BAZ1A: variants seen among roughly 807,000 people sequenced by gnomAD.
BAZ1A encodes the protein bromodomain adjacent to zinc finger domain protein 1A.
In BAZ1A, 50 loss-of-function variants were observed where a neutral mutation model predicts 185.2. The observed-to-expected ratio is 0.27, with a 90% CI of 0.22 to 0.34. The LOEUF is 0.34. Among genes scored for constraint, BAZ1A ranks in the 10% least tolerant of loss-of-function variants. The pLI is 1.00. For missense variants in BAZ1A, 1,356 were observed against 1,839.9 expected, an observed-to-expected ratio of 0.74 and a Z score of 4.81; for synonymous variants, 571 against 615.6, an observed-to-expected ratio of 0.93 and a Z score of 1.07.
At chr14:34,848,260 C>T (rs1339173517) in intron 3 of BAZ1A, among the ~76,000 whole-genome samples, 2 of 152,234 alleles carry the variant, frequency 1.3e-5, no homozygotes, top group Middle Eastern at 3.4e-3. Context: ...GTTAAGAGCC[C>T]TAATTGGTTT....
intron 26 of BAZ1A, among the ~76,000 whole-genome samples, chr14:34,754,254 C>CAA (rs59411665): frequency 0.023 from 2,265 of 97,264 alleles, 34 homozygotes; most frequent in Non-Finnish European, 0.032. Flanking sequence ...TCCATCATCT[C>CAA]AAAAAAAAAA....
intron 3 of BAZ1A, among the ~76,000 whole-genome samples, chr14:34,861,379 C>T (rs1229585740): frequency 2.0e-5 from 3 of 152,086 alleles, no homozygotes; most frequent in African/African-American, 7.2e-5. Flanking sequence ...TTCTGAAGAG[C>T]TCGGTGAAAG....
At position 34,774,495 on chromosome 14, in the gene BAZ1A, AAT is replaced by A. The variant is rs757783110; in HGVS notation, c.2834-7_2834-6del. The A allele has an allele frequency of 1.3e-6, 2 of 1,548,796 alleles. No homozygotes were observed. The highest frequency in any genetic ancestry group is 2.1e-5 in the Admixed American group (1 of 48,066). On this transcript the variant is annotated splice_polypyrimidine_tract_variant and splice_region_variant and intron_variant, in intron 18 of 26. Transcript: ENST00000360310. ...TGCTATCAGGCTGAGGTTTGTCTGA[AAT>A]AGTAATCAAATACTTTTATTATGAT...
At position 34,762,256 on chromosome 14, in the gene BAZ1A, A is replaced by G. The variant is rs1435298696; in HGVS notation, c.3777-33T>C. 3 of 1,586,258 alleles carry G rather than the reference A, an allele frequency of 1.9e-6. No individual in the cohort carries two copies. In the South Asian group the frequency reaches 3.3e-5, roughly 18 times the overall value. ...TATTGTTAGAAAACACAATTATTGT[A>G]CAGAGCAATGATGAACATATGATTA... On this transcript the variant is annotated intron_variant, in intron 23 of 26. Coordinates refer to ENST00000360310, the MANE Select transcript of BAZ1A (RefSeq NM_013448.3).
chr14:34,866,685 C>A (rs899628053), intron 2 of BAZ1A, among the ~76,000 whole-genome samples: 1 of 151,824 alleles, frequency 6.6e-6, no homozygotes, highest in African/African-American at 2.4e-5. Flanking sequence ...ATCGGGGTAA[C>A]TGGGATATCC....
chr14:34,774,335 C>T lies in BAZ1A; in HGVS notation c.2989G>A (p.Ala997Thr), dbSNP rs1475134776. The change falls in exon 19 of 27, where the codon GCC becomes ACC. Residue 997 changes from alanine (A) to threonine (T), a missense_variant. Ala to Thr is a moderately conservative substitution (Grantham distance 58). Transcript: ENST00000360310. Reference protein sequence around the residue: ...EDRIYQGTLGAIKVTDRHIWR... With the variant: ...EDRIYQGTLGTIKVTDRHIWR... The stretch of plus-strand genomic sequence containing the variant: ...TGGGAACAAGTACAAACCTTGATGG[C>T]TCCTAATGTTCCTTGGTAGATTCTA... 1.2e-6 allele frequency: 2 copies of T among 1,608,430 alleles called. No individual in the cohort carries two copies. Among genetic ancestry groups the T allele is most frequent in the Non-Finnish European group, 1.7e-6 (2 of 1,178,476 alleles).
In BAZ1A at chr14:34,776,144, T is replaced by C; in HGVS notation, c.2608A>G (p.Asn870Asp). Residue 870 changes from asparagine (N) to aspartate (D), a missense_variant, in exon 18 of 27, where the codon AAC (asparagine) becomes GAC (aspartate). This residue lies in a region of BAZ1A where 434 missense variants were observed against 561.7 expected (regional missense o/e 0.77). Coordinates refer to ENST00000360310, the MANE Select transcript of BAZ1A (RefSeq NM_013448.3). ...GEPLMSESTS[N>D]IDQGPRDHSV... is the part of the protein sequence containing the mutation. Reference sequence around the variant, plus strand: ...TGGTCACGTGGACCTTGGTCAATGTTGGAGGTAGATTCAGACATCAAAGGC... The same window carrying C: ...TGGTCACGTGGACCTTGGTCAATGTCGGAGGTAGATTCAGACATCAAAGGC... 1 of 1,614,192 alleles carries C rather than the reference T, an allele frequency of 6.2e-7. No homozygotes were observed. The highest frequency in any genetic ancestry group is 8.5e-7 in the Non-Finnish European group (1 of 1,180,030).
rs373249486 is a variant in BAZ1A, at chr14:34,776,006, T to C, written c.2746A>G (p.Ser916Gly). The C allele has an allele frequency of 3.7e-6, 6 of 1,614,042 alleles. No individual in the cohort carries two copies. The highest frequency in any genetic ancestry group is 5.1e-6 in the Non-Finnish European group (6 of 1,179,976). ...TGTAACAAAGTTTCTTTTAAGGCAC[T>C]TTCTCTATGTCCTCTAGAATTAAGA... ...EALNSRGHRE[S>G]ALKETLLQEK... Residue 916 changes from serine to glycine, a missense_variant, in exon 18 of 27, where the codon AGT becomes GGT. By Grantham distance (56) the Ser-to-Gly change is moderately conservative. Around this residue, in one of 7 missense-constraint regions of BAZ1A, gnomAD observed 434 missense variants for 561.7 expected, o/e 0.77. Transcript: ENST00000360310.
intron 9 of BAZ1A, among the ~76,000 whole-genome samples, chr14:34,797,082 A>G (rs1318550708): frequency 1.3e-5 from 2 of 152,252 alleles, no homozygotes; most frequent in African/African-American, 4.8e-5. Flanking sequence ...GTATTATTTA[A>G]AGCACTTAGC....
chr14:34,773,661 T>G lies in BAZ1A; in HGVS notation c.3063A>C (p.Glu1021Asp). The change falls in exon 20 of 27, where the codon GAA (glutamate) becomes GAC (aspartate). Residue 1021 changes from glutamate (E) to aspartate (D), a missense_variant. Glu to Asp is a conservative substitution (Grantham distance 45). Coordinates refer to ENST00000360310, the MANE Select transcript of BAZ1A (RefSeq NM_013448.3). The stretch of plus-strand genomic sequence containing the variant: ...TTTTAATTATCCCATTTTCCTTGTT[T>G]TCCTCACTTAACAGCTCATACCGTC... ...ESGRYELLSE[E>D]NKENGIIKTV... 6 of 1,613,488 alleles carry G rather than the reference T, an allele frequency of 3.7e-6. No individual in the cohort carries two copies. Among genetic ancestry groups the G allele is most frequent in the Non-Finnish European group, 5.1e-6 (6 of 1,179,618 alleles).
At chr14:34,788,285 A>T (rs1382916197) in intron 12 of BAZ1A, among the ~76,000 whole-genome samples, 1 of 151,216 alleles carries the variant, frequency 6.6e-6, no homozygotes, top group African/African-American at 2.4e-5. Context: ...TACAAGCGTG[A>T]ACCACCATGC....
At chr14:34,862,674 G>C (rs886342916) in intron 2 of BAZ1A, among the ~76,000 whole-genome samples, 30 of 150,928 alleles carry the variant, frequency 2.0e-4, no homozygotes, top group African/African-American at 7.3e-4. Flanking sequence ...TCATTAAAAA[G>C]TATAAAGTTC....
intron 12 of BAZ1A, among the ~76,000 whole-genome samples, chr14:34,791,204 A>G (rs533337528): frequency 1.3e-5 from 2 of 152,282 alleles, no homozygotes; most frequent in African/African-American, 4.8e-5. Context: ...TGCTTAATAT[A>G]TATTTTTCCT....
intron 4 of BAZ1A, among the ~76,000 whole-genome samples, chr14:34,814,556 C>A (rs2041977826): frequency 2.0e-5 from 3 of 151,880 alleles, no homozygotes; most frequent in Admixed American, 2.0e-4. Context: ...GCTGCTTCAA[C>A]CTCCCAGGCT....
In BAZ1A at chr14:34,802,952, C is replaced by A; in HGVS notation, c.763G>T (p.Asp255Tyr). The change falls in exon 7 of 27, where the codon GAT becomes TAT. Residue 255 changes from aspartate to tyrosine, a missense_variant. By Grantham distance (160) the Asp-to-Tyr change is radical. Transcript: ENST00000360310. ...SLSTYKIAEQDFSYFFPDDPP... is the reference protein window; with the variant it reads ...SLSTYKIAEQYFSYFFPDDPP... Reference sequence around the variant, plus strand: ...TCATCAGGGAAGAAATAAGAAAAATCTTGTTCTGCTATTTTATACGTTGAA... The same window carrying A: ...TCATCAGGGAAGAAATAAGAAAAATATTGTTCTGCTATTTTATACGTTGAA... 1 of 1,612,220 alleles carries A rather than the reference C, an allele frequency of 6.2e-7. No individual in the cohort carries two copies. The highest frequency in any genetic ancestry group is 8.5e-7 in the Non-Finnish European group (1 of 1,178,358).
chr14:34,819,834 T>C (rs1021184236), intron 4 of BAZ1A, among the ~76,000 whole-genome samples: 1 of 152,210 alleles, frequency 6.6e-6, no homozygotes, highest in Non-Finnish European at 1.5e-5. Context: ...TTTGGTACTA[T>C]AAGAAACTGC....
chr14:34,871,544 T>C (rs911397540), intron 2 of BAZ1A, among the ~76,000 whole-genome samples: 1 of 152,238 alleles, frequency 6.6e-6, no homozygotes, highest in African/African-American at 2.4e-5. Flanking sequence ...GGCCAGTCAC[T>C]GTCTCAAAGA....
intron 14 of BAZ1A, among the ~76,000 whole-genome samples, chr14:34,784,683 A>C (rs1387093319): frequency 1.3e-5 from 2 of 151,392 alleles, no homozygotes; most frequent in African/African-American, 4.8e-5. Context: ...ACGCCTAGCT[A>C]ATTTTTTTGT....
chr14:34,821,628 C>T (rs993481582), intron 4 of BAZ1A, among the ~76,000 whole-genome samples: 3 of 152,166 alleles, frequency 2.0e-5, no homozygotes, highest in Admixed American at 6.5e-5. Flanking sequence ...CAAACAAGTA[C>T]GTATTTTATG....
Sources: gnomAD v4.1 joint callset for allele counts (sites outside exome capture counted in the v4.1 genomes callset) on GRCh38, gnomAD v4.1.1 for gene constraint, gnomAD v4.1.1 regional missense constraint, MANE v1.5 for transcripts, NCBI Gene and HGNC (gene_info 2026-07-23, HGNC 2026-07-21) for gene names.